Variants in DOCK1 observed in about 807,000 individuals in gnomAD.
DOCK1 encodes dedicator of cytokinesis 1.
Under a neutral mutation model 262.7 loss-of-function variants are expected in DOCK1, and 138 were observed. The observed-to-expected ratio is 0.53, with a 90% CI of 0.46 to 0.61. DOCK1 has a LOEUF of 0.61. DOCK1 is among the 20% of genes least tolerant of loss of function. The pLI is 0.00. For missense variants in DOCK1, 1,908 were observed against 2,370.7 expected (o/e 0.80, Z 4.05); for synonymous variants, 866 against 867.4 (o/e 1.00, Z 0.03).
chr10:126,976,302 C>T (rs1425698292), intron 2 of DOCK1, among the ~76,000 whole-genome samples: 2 of 152,168 alleles, frequency 1.3e-5, no homozygotes, highest in Non-Finnish European at 2.9e-5. Context: ...GAGGTTCCCC[C>T]AATCAGTCTG....
intron 1 of DOCK1, among the ~76,000 whole-genome samples, chr10:126,960,912 A>G (rs2037166153): frequency 6.6e-6 from 1 of 151,422 alleles, no homozygotes; most frequent in African/African-American, 2.4e-5. Context: ...CTAGTTGTGG[A>G]TAAGGCATAC....
At chr10:126,951,380 G>C (rs1342063330) in intron 1 of DOCK1, among the ~76,000 whole-genome samples, 1 of 151,430 alleles carries the variant, frequency 6.6e-6, no homozygotes, top group Admixed American at 6.6e-5. Flanking sequence ...GGTGGTGGTA[G>C]TATTGGTGAT....
At chr10:126,999,762 C>T (rs1365112454) in intron 9 of DOCK1, among the ~76,000 whole-genome samples, 3 of 152,252 alleles carry the variant, frequency 2.0e-5, no homozygotes, top group Admixed American at 6.5e-5. Context: ...CTGCAACCTA[C>T]GCCTCCTGGG....
intron 25 of DOCK1, 48 bp from the exon 26 acceptor site, chr10:127,125,426 G>A (rs776664672): frequency 6.2e-7 from 1 of 1,606,164 alleles, no homozygotes; most frequent in South Asian, 1.1e-5. Flanking sequence ...AACACGAGTT[G>A]CGTCTTGGTG....
intron 38 of DOCK1, among the ~76,000 whole-genome samples, chr10:127,392,232 A>G: frequency 7.5e-6 from 1 of 133,568 alleles, no homozygotes; most frequent in Non-Finnish European, 1.6e-5. Flanking sequence ...TAAAATCCAG[A>G]TTTTGATTCA....
chr10:127,300,750 C>A (rs1035369367), intron 29 of DOCK1, among the ~76,000 whole-genome samples: 6 of 152,182 alleles, frequency 3.9e-5, no homozygotes, highest in African/African-American at 1.4e-4. Flanking sequence ...CGTTTTCTCT[C>A]CCTAATTCTG....
rs149630448 is a variant in DOCK1, at chr10:127,111,162, G to A, written c.2623+808G>A. 3.4e-3 allele frequency among the ~76,000 whole-genome samples: 511 copies of A among 152,250 alleles called. 1 individual carries two copies. Among genetic ancestry groups the A allele is most frequent in the Non-Finnish European group, 5.3e-3 (363 of 68,036 alleles). On this transcript the variant is annotated intron_variant, in intron 25 of 51. Transcript: ENST00000623213. ...ACTTGGGATGTCCCTGTTAAGTTAC[G>A]GGCTGGGTTTGGAACACACTCTGTG...
At chr10:126,954,331 TG>T (rs1218339090) in intron 1 of DOCK1, among the ~76,000 whole-genome samples, 1 of 152,252 alleles carries the variant, frequency 6.6e-6, no homozygotes, top group Non-Finnish European at 1.5e-5. Flanking sequence ...GCCTGAGGCC[TG>T]GGCTGCTATG....
chr10:126,968,249 C>T (rs1267301095), intron 1 of DOCK1, among the ~76,000 whole-genome samples: 1 of 151,536 alleles, frequency 6.6e-6, no homozygotes, highest in Non-Finnish European at 1.5e-5. Flanking sequence ...ACTCCCTTGT[C>T]AAATACCCTT....
chr10:127,301,546 C>G (rs1304525513), intron 29 of DOCK1, among the ~76,000 whole-genome samples: 1 of 152,140 alleles, frequency 6.6e-6, no homozygotes, highest in African/African-American at 2.4e-5. Flanking sequence ...GCTGTGTGGT[C>G]ACCGGTGAAT....
intron 27 of DOCK1, among the ~76,000 whole-genome samples, chr10:127,181,350 T>G (rs1045117905): frequency 6.6e-6 from 1 of 152,206 alleles, no homozygotes. Flanking sequence ...TGGGGTTCCA[T>G]TAGCTGCCAA....
At chr10:127,019,728 G>A (rs754078098) in intron 13 of DOCK1, among the ~76,000 whole-genome samples, 2 of 152,282 alleles carry the variant, frequency 1.3e-5, no homozygotes, top group East Asian at 1.9e-4. Context: ...TAGCCTGGGC[G>A]ACAGATTGAG....
intron 27 of DOCK1, among the ~76,000 whole-genome samples, chr10:127,190,100 A>G (rs61874034): frequency 0.015 from 2,301 of 152,274 alleles, 16 homozygotes; most frequent in Non-Finnish European, 0.024. Flanking sequence ...CATTTTCTCA[A>G]TTCTCCTTAT....
At chr10:127,077,900 G>A (rs1166278126) in intron 23 of DOCK1, among the ~76,000 whole-genome samples, 1 of 152,068 alleles carries the variant, frequency 6.6e-6, no homozygotes, top group African/African-American at 2.4e-5. Flanking sequence ...ATTCCATGGA[G>A]GGGCAGGAGG....
intron 12 of DOCK1, among the ~76,000 whole-genome samples, chr10:127,017,366 CAGATACAGACACAGACATACATA>C (rs1327492320): frequency 6.6e-6 from 1 of 152,072 alleles, no homozygotes; most frequent in East Asian, 1.9e-4. Flanking sequence ...CACATAAGCA[CAGATACAGACACAGACATACATA>C]CAGATACAGA....
Position 127,409,320 on chromosome 10 carries a change from G to C in DOCK1, c.4272G>C (p.Gln1424His), listed in dbSNP as rs762086660. The C allele has an allele frequency of 6.2e-7, 1 of 1,613,850 alleles. No individual in the cohort carries two copies. The highest frequency in any genetic ancestry group is 8.5e-7 in the Non-Finnish European group (1 of 1,179,860). Residue 1424 changes from glutamine to histidine, a missense_variant, in exon 42 of 52, where the codon CAG becomes CAC. Physicochemically the swap from Gln to His is conservative, Grantham distance 24 (BLOSUM62 0). Transcript: ENST00000623213. The stretch of plus-strand genomic sequence containing the variant: ...TTAACCCCCTCACCTCAGATATTCA[G>C]TGCTTCACAGTGAAGCCCAAACTCG... ...DIKNSPGQYI[Q>H]CFTVKPKLDL...
intron 50 of DOCK1, among the ~76,000 whole-genome samples, chr10:127,445,237 C>T (rs1228607910): frequency 5.3e-5 from 8 of 152,098 alleles, no homozygotes; most frequent in Non-Finnish European, 1.0e-4. Context: ...GCAGCAGAAC[C>T]GGGGAGCCCA....
At chr10:127,063,660 A>C (rs1272114141) in intron 23 of DOCK1, among the ~76,000 whole-genome samples, 1 of 152,308 alleles carries the variant, frequency 6.6e-6, no homozygotes, top group African/African-American at 2.4e-5. Context: ...ATTTTAGAAA[A>C]ACAGACGTGT....
chr10:127,260,178 C>T (rs2134990626), intron 29 of DOCK1, among the ~76,000 whole-genome samples: 1 of 152,352 alleles, frequency 6.6e-6, no homozygotes, highest in South Asian at 2.1e-4. Context: ...ACCCGCGCTG[C>T]AGCAGCAGGT....
Sources: gnomAD v4.1 joint callset for allele counts (sites outside exome capture counted in the v4.1 genomes callset) on GRCh38, gnomAD v4.1.1 for gene constraint, MANE v1.5 for transcripts, NCBI Gene and HGNC (gene_info 2026-07-23, HGNC 2026-07-21) for gene names.